DRC5: variants seen among roughly 807,000 people sequenced by gnomAD.
DRC5 encodes the protein T-complex-associated testis-expressed protein 1.
the DRC5 span, among the ~76,000 whole-genome samples, chr6:44,288,394 G>T: frequency 6.6e-6 from 1 of 152,130 alleles, no homozygotes. Context: ...TAATTGACTT[G>T]CCCAATGTCA....
chr6:44,289,921 G>A, the DRC5 span, among the ~76,000 whole-genome samples: 1 of 152,142 alleles, frequency 6.6e-6, no homozygotes, highest in Non-Finnish European at 1.5e-5. Flanking sequence ...TGGCCGGTGG[G>A]AGGGAACACT....
the DRC5 span, among the ~76,000 whole-genome samples, chr6:44,290,898 G>A: frequency 6.6e-6 from 1 of 152,324 alleles, no homozygotes; most frequent in South Asian, 2.1e-4. Context: ...GGATGCCTCT[G>A]CAATCAGGTG....
chr6:44,281,529 T>G, the DRC5 span, among the ~76,000 whole-genome samples: 1 of 152,100 alleles, frequency 6.6e-6, no homozygotes, highest in South Asian at 2.1e-4. Flanking sequence ...GGGTTACAGG[T>G]GCATGCCACC....
the DRC5 span, among the ~76,000 whole-genome samples, chr6:44,291,516 G>A: frequency 6.6e-6 from 1 of 152,174 alleles, no homozygotes; most frequent in Non-Finnish European, 1.5e-5. Flanking sequence ...TGCCCTTGGG[G>A]GACACCCTTT....
At chr6:44,296,813 G>T in the DRC5 span, among the ~76,000 whole-genome samples, 1 of 152,178 alleles carries the variant, frequency 6.6e-6, no homozygotes, top group Non-Finnish European at 1.5e-5. Flanking sequence ...TCAGGGCTCT[G>T]GGCTTTTGTC....
chr6:44,290,389 G>C, the DRC5 span, among the ~76,000 whole-genome samples: 1 of 152,210 alleles, frequency 6.6e-6, no homozygotes, highest in Non-Finnish European at 1.5e-5. Flanking sequence ...AAAGCATACA[G>C]GGTGTGTGGA....
chr6:44,287,806 G>A, the DRC5 span: 4 of 1,613,962 alleles, frequency 2.5e-6, no homozygotes, highest in South Asian at 1.1e-5. Context: ...CAATGCTGAT[G>A]TCGTTACGGT....
chr6:44,281,623 G>T, the DRC5 span, among the ~76,000 whole-genome samples: 1 of 152,230 alleles, frequency 6.6e-6, no homozygotes, highest in Admixed American at 6.5e-5. Context: ...GGCCTCAGGT[G>T]ATCTACCCAC....
At chr6:44,280,820 T>C in the DRC5 span, among the ~76,000 whole-genome samples, 1 of 152,180 alleles carries the variant, frequency 6.6e-6, no homozygotes, top group Non-Finnish European at 1.5e-5. Flanking sequence ...GTGGCAGCCA[T>C]CTTGGGACTG....
At chr6:44,289,042 CTTTTTTT>C in the DRC5 span, among the ~76,000 whole-genome samples, 18 of 78,944 alleles carry the variant, frequency 2.3e-4, no homozygotes, top group Non-Finnish European at 2.7e-4. Flanking sequence ...GTGAAATTAG[CTTTTTTT>C]TTTTTTTTTT....
chr6:44,280,369 C>T, the DRC5 span: 4 of 1,613,428 alleles, frequency 2.5e-6, no homozygotes, highest in Non-Finnish European at 3.4e-6. Flanking sequence ...GACATGCCTT[C>T]CAGGAGCTGC....
chr6:44,282,052 G>A, the DRC5 span: 3 of 1,503,194 alleles, frequency 2.0e-6, no homozygotes, highest in Non-Finnish European at 2.7e-6. Context: ...TATCCCACAA[G>A]TACCCCTGGC....
the DRC5 span, chr6:44,287,648 G>A: frequency 8.1e-6 from 13 of 1,614,052 alleles, no homozygotes; most frequent in African/African-American, 1.2e-4. Flanking sequence ...CGGCGCATCC[G>A]ACGGATATTG....
At chr6:44,279,991 T>C in the DRC5 span, 1 of 575,110 alleles carries the variant, frequency 1.7e-6, no homozygotes, top group Non-Finnish European at 3.1e-6. Context: ...CCCTACTGCA[T>C]ACCCTTTCTT....
chr6:44,293,658 C>A, the DRC5 span, among the ~76,000 whole-genome samples: 19 of 152,166 alleles, frequency 1.2e-4, no homozygotes, highest in African/African-American at 3.4e-4. Flanking sequence ...CTCAGTATGT[C>A]CCCCTCCCCT....
At chr6:44,284,525 C>T in the DRC5 span, among the ~76,000 whole-genome samples, 3 of 152,210 alleles carry the variant, frequency 2.0e-5, no homozygotes, top group South Asian at 2.1e-4. Context: ...ACCCAACTAA[C>T]GAAATGACCC....
chr6:44,290,032 G>A, the DRC5 span, among the ~76,000 whole-genome samples: 9 of 152,352 alleles, frequency 5.9e-5, no homozygotes, highest in African/African-American at 1.9e-4. Context: ...GAGGCGGGTG[G>A]CAGGGAGAGA....
the DRC5 span, chr6:44,282,024 C>T: frequency 2.3e-6 from 3 of 1,312,384 alleles, no homozygotes; most frequent in Non-Finnish European, 3.2e-6. Flanking sequence ...AGTATGTAAA[C>T]TCTGTGATCT....
At chr6:44,280,186 C>T in the DRC5 span, 7 of 1,613,840 alleles carry the variant, frequency 4.3e-6, no homozygotes, top group Admixed American at 3.3e-5. Context: ...TCATTTTATC[C>T]CACAGAGTTC....
Sources: gnomAD v4.1 joint callset for allele counts (sites outside exome capture counted in the v4.1 genomes callset) on GRCh38, gnomAD v4.1.1 for gene constraint, MANE v1.5 for transcripts, NCBI Gene and HGNC (gene_info 2026-07-23, HGNC 2026-07-21) for gene names.